The following GALNT7 variants were observed in gnomAD, a reference collection of about 807,000 sequenced individuals.
The protein encoded by GALNT7 is polypeptide N-acetylgalactosaminyltransferase 7, also known as N-acetylgalactosaminyltransferase 7.
In GALNT7, 60 loss-of-function variants were observed where a neutral mutation model predicts 82.1. The ratio of observed to expected loss-of-function variants is 0.73; its 90% confidence interval spans 0.59 to 0.91. GALNT7 has a LOEUF of 0.91. Among genes scored for constraint, GALNT7 ranks in the 40% least tolerant of loss-of-function variants. The pLI, the probability that GALNT7 is intolerant of heterozygous loss-of-function variation, is 0.00. For missense variants in GALNT7, 660 were observed against 804.2 expected (o/e 0.82, Z 2.17); for synonymous variants, 243 against 275.1 (o/e 0.88, Z 1.15).
chr4:173,243,841 T>G (rs375256167), intron 1 of GALNT7, among the ~76,000 whole-genome samples: 4 of 152,346 alleles, frequency 2.6e-5, no homozygotes, highest in East Asian at 1.9e-4. Flanking sequence ...TCTATCTGAT[T>G]TAAGCCCTGC....
At chr4:173,261,690 G>A (rs987614873) in intron 2 of GALNT7, among the ~76,000 whole-genome samples, 6 of 152,020 alleles carry the variant, frequency 3.9e-5, no homozygotes, top group East Asian at 1.9e-4. Flanking sequence ...GTGGTGGCAC[G>A]CACCTGTAAT....
chr4:173,311,531 G>A (rs1480369643), intron 8 of GALNT7, among the ~76,000 whole-genome samples: 1 of 152,212 alleles, frequency 6.6e-6, no homozygotes, highest in Non-Finnish European at 1.5e-5. Context: ...GGGGGAGCAA[G>A]GCGTCTCACC....
At chr4:173,181,242 A>T (rs1472718728) in intron 1 of GALNT7, among the ~76,000 whole-genome samples, 1 of 152,176 alleles carries the variant, frequency 6.6e-6, no homozygotes, top group African/African-American at 2.4e-5. Context: ...TGAACATTTA[A>T]GCAGAAGATT....
At chr4:173,252,148 C>T (rs930027261) in intron 2 of GALNT7, among the ~76,000 whole-genome samples, 1 of 152,162 alleles carries the variant, frequency 6.6e-6, no homozygotes, top group Non-Finnish European at 1.5e-5. Flanking sequence ...ACCTAATATG[C>T]ATATTAGCAC....
At chr4:173,280,084 G>A (rs1736058380) in intron 2 of GALNT7, among the ~76,000 whole-genome samples, 1 of 152,156 alleles carries the variant, frequency 6.6e-6, no homozygotes, top group Non-Finnish European at 1.5e-5. Flanking sequence ...TCAGAATTAA[G>A]GGGAGAGAAT....
chr4:173,276,647 A>G (rs575490941), intron 2 of GALNT7, among the ~76,000 whole-genome samples: 46 of 152,190 alleles, frequency 3.0e-4, no homozygotes, highest in Non-Finnish European at 5.6e-4. Context: ...TGAGTCAGTC[A>G]GTATAAATTT....
chr4:173,254,350 C>G (rs536615835), intron 2 of GALNT7, among the ~76,000 whole-genome samples: 1 of 152,196 alleles, frequency 6.6e-6, no homozygotes, highest in South Asian at 2.1e-4. Flanking sequence ...GTGAGGTTTT[C>G]TTATTCTCTA....
chr4:173,210,244 G>A (rs1201699302), intron 1 of GALNT7, among the ~76,000 whole-genome samples: 4 of 152,246 alleles, frequency 2.6e-5, no homozygotes, highest in Non-Finnish European at 1.5e-5. Flanking sequence ...GTTTCCTGGC[G>A]GGAAGGATGC....
chr4:173,219,389 C>T (rs1165605093), intron 1 of GALNT7, among the ~76,000 whole-genome samples: 3 of 152,016 alleles, frequency 2.0e-5, no homozygotes, highest in Admixed American at 6.6e-5. Context: ...TTTATCCACT[C>T]GTTGATTGAT....
chr4:173,303,875 AG>A (rs1737050273), intron 7 of GALNT7, 120 bp from the exon 8 acceptor site: 1 of 832,166 alleles, frequency 1.2e-6, no homozygotes, highest in African/African-American at 1.7e-5. Flanking sequence ...GTTTAGTTTA[AG>A]AATTCTGTGT....
At chr4:173,213,669 C>A (rs907618344) in intron 1 of GALNT7, among the ~76,000 whole-genome samples, 2 of 151,964 alleles carry the variant, frequency 1.3e-5, no homozygotes, top group African/African-American at 4.8e-5. Flanking sequence ...GATTATTTCT[C>A]GGTAATTTTT....
intron 1 of GALNT7, among the ~76,000 whole-genome samples, chr4:173,211,069 T>A (rs1213734122): frequency 6.6e-6 from 1 of 152,226 alleles, no homozygotes; most frequent in Non-Finnish European, 1.5e-5. Flanking sequence ...ATGTGTATTT[T>A]ATACTTCCAG....
intron 2 of GALNT7, among the ~76,000 whole-genome samples, chr4:173,285,831 G>A (rs1736299950): frequency 6.6e-6 from 1 of 152,092 alleles, no homozygotes; most frequent in Non-Finnish European, 1.5e-5. Flanking sequence ...ATGTTGAGAG[G>A]GGCTTATCCA....
chr4:173,170,211 A>G (rs1731814302), intron 1 of GALNT7, among the ~76,000 whole-genome samples: 1 of 152,124 alleles, frequency 6.6e-6, no homozygotes, highest in Admixed American at 6.5e-5. Context: ...CAGTGGGGGT[A>G]GGAGAGGGTA....
intron 1 of GALNT7, among the ~76,000 whole-genome samples, chr4:173,247,021 C>T (rs2126736750): frequency 6.6e-6 from 1 of 152,194 alleles, no homozygotes; most frequent in African/African-American, 2.4e-5. Flanking sequence ...TATATTAAAT[C>T]ACCAGGAGTG....
chr4:173,182,534 A>AT (rs1257973660), intron 1 of GALNT7, among the ~76,000 whole-genome samples: 1 of 152,182 alleles, frequency 6.6e-6, no homozygotes, highest in Non-Finnish European at 1.5e-5. Context: ...AGTAAGAATG[A>AT]TTATTTTAAG....
At chr4:173,312,794 C>A (rs1737436557) in intron 8 of GALNT7, among the ~76,000 whole-genome samples, 1 of 152,140 alleles carries the variant, frequency 6.6e-6, no homozygotes, top group Non-Finnish European at 1.5e-5. Flanking sequence ...GGCAATGGCT[C>A]ACGCCTATAA....
At chr4:173,196,565 C>T (rs1233197122) in intron 1 of GALNT7, among the ~76,000 whole-genome samples, 4 of 152,066 alleles carry the variant, frequency 2.6e-5, no homozygotes, top group Non-Finnish European at 2.9e-5. Context: ...TTTTAAGTTC[C>T]GGGTTGCATG....
In GALNT7 at chr4:173,219,333, G is replaced by GGT. The variant is rs140058780; in HGVS notation, c.127-28630_127-28629dup. Among the ~76,000 whole-genome samples, 580 of 150,248 alleles carry GGT rather than the reference G, an allele frequency of 3.9e-3. 9 individuals are homozygous for GGT. The highest frequency in any genetic ancestry group is 6.8e-3 in the Middle Eastern group (2 of 294). ...TTTTTATGTCTGAGTAGTGTTCCAT[G>GGT]GTGTGTGTGTGTGTGTGTATACATA... On this transcript the variant is annotated intron_variant, in intron 1 of 11. Transcript: ENST00000265000.
Sources: gnomAD v4.1 joint callset for allele counts (sites outside exome capture counted in the v4.1 genomes callset) on GRCh38, gnomAD v4.1.1 for gene constraint, MANE v1.5 for transcripts, NCBI Gene and HGNC (gene_info 2026-07-23, HGNC 2026-07-21) for gene names.